AP5M1: variants seen among roughly 807,000 people sequenced by gnomAD.
AP5M1 encodes AP-5 complex subunit mu-1.
A neutral mutation model predicts 52.3 loss-of-function variants in AP5M1; 44 were observed. That is an observed-to-expected ratio of 0.84 (90% CI 0.66 to 1.08). The LOEUF is 1.08. Ranked by LOEUF, AP5M1 falls within the 50% of genes least tolerant of loss-of-function variation. The probability of loss-of-function intolerance (pLI) is 0.00; values close to 1 mark genes in which losing one functional copy is unlikely to be tolerated. For synonymous variants in AP5M1, 213 were observed against 199.0 expected (o/e 1.07, Z -0.59); for missense variants, 526 against 568.4 (o/e 0.93, Z 0.76).
At chr14:57,288,014 G>C (rs1295418322) in intron 7 of AP5M1, among the ~76,000 whole-genome samples, 4 of 151,976 alleles carry the variant, frequency 2.6e-5, no homozygotes, top group African/African-American at 9.7e-5. Flanking sequence ...TCTGGCTCTG[G>C]AATCTGTCCA....
intron 3 of AP5M1, among the ~76,000 whole-genome samples, chr14:57,281,475 G>A (rs1885173043): frequency 2.0e-5 from 3 of 152,238 alleles, no homozygotes; most frequent in African/African-American, 7.2e-5. Flanking sequence ...ACTGGGACTA[G>A]AACCAGAAAA....
rs1295888048 is a variant in AP5M1 at position 57,293,174 on chromosome 14, TGTCA to T, written c.*4294_*4297del. On this transcript the variant is annotated 3_prime_UTR_variant, in exon 8 of 8. Transcript: ENST00000261558. Reference sequence around the variant, plus strand: ...CTGTTTAAAACTGTTTCAATAGCAATGTCAGTCTTTATCTTGTAAGATGTCAAAT... The same window carrying T: ...CTGTTTAAAACTGTTTCAATAGCAATGTCTTTATCTTGTAAGATGTCAAAT... The T allele has an allele frequency of 6.6e-6, 1 of 151,698 alleles. No homozygotes were observed. Among genetic ancestry groups the T allele is most frequent in the Non-Finnish European group, 1.5e-5 (1 of 67,752 alleles). The allele number at this position is 151,698 out of a possible 1,614,324, so 9.4% of individuals were successfully genotyped here. A position where few individuals can be genotyped will look rare whatever the true frequency, so the allele number is the denominator to read the frequency against.
chr14:57,282,058 G>T, intron 3 of AP5M1, 31 bp from the exon 4 acceptor site: 1 of 1,523,408 alleles, frequency 6.6e-7, no homozygotes, highest in South Asian at 1.3e-5. Flanking sequence ...ATTAACCTGA[G>T]AATTATATAG....
intron 6 of AP5M1, among the ~76,000 whole-genome samples, chr14:57,283,514 A>G (rs1364904141): frequency 6.6e-6 from 1 of 152,228 alleles, no homozygotes; most frequent in African/African-American, 2.4e-5. Context: ...GCTCAAGCCC[A>G]GGAGTTCAAG....
rs1457869032 is a variant in AP5M1 at position 57,274,794 on chromosome 14, G to A, written c.625G>A (p.Val209Ile). Residue 209 changes from valine (V) to isoleucine (I), a missense_variant, in exon 2 of 8, where the codon GTT becomes ATT. Val to Ile is a conservative substitution (Grantham distance 29). Coordinates refer to ENST00000261558, the MANE Select transcript of AP5M1 (RefSeq NM_018229.4). The part of the protein sequence containing the change: ...KTGTYKGKPQ[V>I]SISITEKVKS... ...TGGGACGTACAAAGGAAAACCACAA[G>A]TTTCTATTTCTATCACTGAAAAGGT... The A allele has an allele frequency of 4.3e-6, 7 of 1,614,030 alleles. No individual in the cohort carries two copies. Among genetic ancestry groups the A allele is most frequent in the African/African-American group, 1.3e-5 (1 of 74,896 alleles).
intron 7 of AP5M1, among the ~76,000 whole-genome samples, chr14:57,288,283 A>G (rs1885355717): frequency 6.6e-6 from 1 of 151,952 alleles, no homozygotes. Flanking sequence ...ATAGGTTGCC[A>G]TTTTTGTAGA....
At chr14:57,279,411 C>T (rs1159653219) in intron 2 of AP5M1, among the ~76,000 whole-genome samples, 2 of 152,136 alleles carry the variant, frequency 1.3e-5, no homozygotes, top group African/African-American at 4.8e-5. Context: ...TCATTATTCT[C>T]AGCAAACTAA....
chr14:57,271,582 C>T (rs181302035), intron 1 of AP5M1, among the ~76,000 whole-genome samples: 215 of 152,082 alleles, frequency 1.4e-3, no homozygotes, highest in Non-Finnish European at 2.5e-3. Context: ...TGGTATTAGT[C>T]CTATGTCATT....
At position 57,269,149 on chromosome 14, in the gene AP5M1, AG is replaced by A. The variant is rs1394850753; in HGVS notation, c.-165del. 3.2e-6 allele frequency: 2 copies of A among 633,344 alleles called. No homozygotes were observed. Among genetic ancestry groups the A allele is most frequent in the Non-Finnish European group, 5.5e-6 (2 of 360,462 alleles). 39.2% of individuals were successfully genotyped at this position (633,344 alleles called of 1,614,324 possible). ...TGGCCTAGAGCGACTCAGAAGCGTT[AG>A]TGACTTCACCTAAAAAAGCTAACCT... On this transcript the variant is annotated 5_prime_UTR_variant, in exon 1 of 8. The change creates a new upstream start codon in the 5' untranslated region. Transcript: ENST00000261558.
At chr14:57,285,613 A>G (rs1885287894) in intron 6 of AP5M1, among the ~76,000 whole-genome samples, 1 of 152,216 alleles carries the variant, frequency 6.6e-6, no homozygotes, top group Non-Finnish European at 1.5e-5. Context: ...TAGTTCTGTA[A>G]AAGTTAAATT....
intron 2 of AP5M1, among the ~76,000 whole-genome samples, chr14:57,278,105 A>G (rs1885083698): frequency 6.6e-6 from 1 of 152,222 alleles, no homozygotes; most frequent in Non-Finnish European, 1.5e-5. Context: ...AGATAGAGGT[A>G]CAAAGACCCT....
chr14:57,278,271 C>T (rs780984972), intron 2 of AP5M1, among the ~76,000 whole-genome samples: 9 of 152,160 alleles, frequency 5.9e-5, no homozygotes, highest in Non-Finnish European at 7.4e-5. Flanking sequence ...CGTAGCCTTT[C>T]GGAAACAGTC....
intron 7 of AP5M1, among the ~76,000 whole-genome samples, chr14:57,288,407 C>T (rs1005890892): frequency 6.6e-6 from 1 of 151,962 alleles, no homozygotes; most frequent in Non-Finnish European, 1.5e-5. Context: ...ATATCTCTGA[C>T]ACTTTGGGTA....
rs918699494 is a variant in AP5M1, at chr14:57,294,397, T to C, written c.*5513T>C. 1.3e-5 allele frequency: 2 copies of C among 151,874 alleles called. No homozygotes were observed. The highest frequency in any genetic ancestry group is 1.3e-4 in the Admixed American group (2 of 15,204). 9.4% of individuals were successfully genotyped at this position (151,874 alleles called of 1,614,324 possible). A position where few individuals can be genotyped will look rare whatever the true frequency, so the allele number is the denominator to read the frequency against. On this transcript the variant is annotated 3_prime_UTR_variant, in exon 8 of 8. Coordinates refer to ENST00000261558, the MANE Select transcript of AP5M1 (RefSeq NM_018229.4). Reference sequence around the variant, plus strand: ...TTAAAAATTAGTTATTCCTCTTAAATTTTTACTTTTTCCTTCAAAGGACTT... The same window carrying C: ...TTAAAAATTAGTTATTCCTCTTAAACTTTTACTTTTTCCTTCAAAGGACTT...
At chr14:57,288,257 G>GA (rs1350586950) in intron 7 of AP5M1, among the ~76,000 whole-genome samples, 1 of 151,736 alleles carries the variant, frequency 6.6e-6, no homozygotes, top group African/African-American at 2.4e-5. Context: ...TTACATATCA[G>GA]AAAACTTTAG....
At chr14:57,278,995 C>G (rs1885106916) in intron 2 of AP5M1, among the ~76,000 whole-genome samples, 1 of 152,152 alleles carries the variant, frequency 6.6e-6, no homozygotes, top group Admixed American at 6.5e-5. Context: ...CATCCAACGC[C>G]AGTCAGAATG....
intron 4 of AP5M1, among the ~76,000 whole-genome samples, chr14:57,282,443 T>C (rs1177390826): frequency 6.6e-6 from 1 of 152,224 alleles, no homozygotes; most frequent in Non-Finnish European, 1.5e-5. Flanking sequence ...TAGTAAATTA[T>C]ACACTTAAGC....
rs1885596555 is a variant in AP5M1, at chr14:57,298,445, C to A, written c.*9561C>A. 1 of 152,150 alleles carries A rather than the reference C, an allele frequency of 6.6e-6. No individual in the cohort carries two copies. Among genetic ancestry groups the A allele is most frequent in the East Asian group, 1.9e-4 (1 of 5,194 alleles). 9.4% of individuals were successfully genotyped at this position (152,150 alleles called of 1,614,324 possible). On this transcript the variant is annotated 3_prime_UTR_variant, in exon 8 of 8. Coordinates refer to ENST00000261558, the MANE Select transcript of AP5M1 (RefSeq NM_018229.4). Reference sequence around the variant, plus strand: ...GGGTGGTCCTGGATAAATTACTTAACCTCTGTGGTCTTCAGTTTCCTCCCA... The same window carrying A: ...GGGTGGTCCTGGATAAATTACTTAAACTCTGTGGTCTTCAGTTTCCTCCCA...
intron 3 of AP5M1, among the ~76,000 whole-genome samples, chr14:57,281,469 G>C (rs1018867476): frequency 6.6e-6 from 1 of 152,112 alleles, no homozygotes; most frequent in African/African-American, 2.4e-5. Flanking sequence ...GTTCTTACTG[G>C]GACTAGAACC....
Sources: allele counts gnomAD v4.1 joint callset (sites outside exome capture counted in the v4.1 genomes callset), GRCh38; gene constraint gnomAD v4.1.1; transcripts MANE v1.5; gene names NCBI Gene and HGNC (gene_info 2026-07-23, HGNC 2026-07-21).